Variants in FLT1 observed in about 807,000 individuals in gnomAD.
The protein encoded by FLT1 is vascular endothelial growth factor receptor 1.
FLT1 carries 49 observed loss-of-function variants against 156.3 expected under a neutral mutation model. That is an observed-to-expected ratio of 0.31 (90% CI 0.25 to 0.40). FLT1 has a LOEUF of 0.40. Among genes scored for constraint, FLT1 ranks in the 10% least tolerant of loss-of-function variants. The probability of loss-of-function intolerance (pLI) is 1.00; values close to 1 mark genes in which losing one functional copy is unlikely to be tolerated. For synonymous variants in FLT1, 594 were observed against 583.8 expected (o/e 1.02, Z -0.25); for missense variants, 1,322 against 1,637.2 (o/e 0.81, Z 3.32).
rs770743233 is a variant in FLT1 at position 28,386,228 on chromosome 13, G to A, written c.1970-1197C>T. The A allele has an allele frequency of 1.7e-4, 180 of 1,052,640 alleles. 1 individual carries two copies. The highest frequency in any genetic ancestry group is 4.2e-4 in the Middle Eastern group (1 of 2,364). 65.2% of individuals were successfully genotyped at this position (1,052,640 alleles called of 1,614,324 possible). A position where few individuals can be genotyped will look rare whatever the true frequency, so the allele number is the denominator to read the frequency against. Reference sequence around the variant, plus strand: ...CCATGTCCCTGCAGGGTTCTGCCACGTCCCAAAACCTTTCCCTTTTGAGTC... The same window carrying A: ...CCATGTCCCTGCAGGGTTCTGCCACATCCCAAAACCTTTCCCTTTTGAGTC... On this transcript the variant is annotated intron_variant, in intron 13 of 29. Transcript: ENST00000282397.
At chr13:28,491,175 T>C (rs1426208763) in intron 1 of FLT1, among the ~76,000 whole-genome samples, 1 of 151,540 alleles carries the variant, frequency 6.6e-6, no homozygotes, top group Non-Finnish European at 1.5e-5. Flanking sequence ...TGGTAACACA[T>C]CACCTTCAAC....
At chr13:28,344,157 G>A (rs1050933889) in intron 16 of FLT1, among the ~76,000 whole-genome samples, 12 of 152,060 alleles carry the variant, frequency 7.9e-5, no homozygotes, top group South Asian at 6.2e-4. Context: ...TTTAGAATAC[G>A]GACCAAATTC....
intron 13 of FLT1, chr13:28,389,016 G>T: frequency 1.9e-6 from 2 of 1,064,956 alleles, no homozygotes; most frequent in African/African-American, 1.6e-5. Context: ...GAGGAGGGAG[G>T]GGACGTTGAT....
intron 1 of FLT1, among the ~76,000 whole-genome samples, chr13:28,475,936 T>A (rs1880519090): frequency 1.3e-5 from 2 of 152,154 alleles, no homozygotes; most frequent in Admixed American, 1.3e-4. Flanking sequence ...TCATATTCCA[T>A]CCACCAACAG....
At chr13:28,404,831 C>T (rs1471364570) in intron 11 of FLT1, among the ~76,000 whole-genome samples, 1 of 151,832 alleles carries the variant, frequency 6.6e-6, no homozygotes, top group Non-Finnish European at 1.5e-5. Context: ...ACCAACCTGG[C>T]CAATATGGTG....
chr13:28,450,727 T>C (rs2137585275), intron 3 of FLT1, among the ~76,000 whole-genome samples: 1 of 152,348 alleles, frequency 6.6e-6, no homozygotes, highest in Non-Finnish European at 1.5e-5. Context: ...AAAGGACTTT[T>C]AAGATGCCCT....
chr13:28,326,992 T>C (rs1871711432), intron 20 of FLT1, among the ~76,000 whole-genome samples: 1 of 152,220 alleles, frequency 6.6e-6, no homozygotes, highest in African/African-American at 2.4e-5. Context: ...AAGATAATGA[T>C]TTTTGGCCCT....
chr13:28,486,907 G>A (rs1375271208), intron 1 of FLT1, among the ~76,000 whole-genome samples: 3 of 152,210 alleles, frequency 2.0e-5, no homozygotes, highest in Admixed American at 6.5e-5. Context: ...CCTGGGCAGA[G>A]GTTCTCAAAG....
chr13:28,489,306 A>G (rs2137671178), intron 1 of FLT1, among the ~76,000 whole-genome samples: 2 of 152,334 alleles, frequency 1.3e-5, no homozygotes, highest in East Asian at 1.9e-4. Flanking sequence ...CTGCGAAATG[A>G]TAGTGTGGCC....
At chr13:28,358,867 G>C (rs1410458655) in intron 14 of FLT1, among the ~76,000 whole-genome samples, 1 of 152,180 alleles carries the variant, frequency 6.6e-6, no homozygotes, top group African/African-American at 2.4e-5. Flanking sequence ...GTAAGGAAGG[G>C]TGTACTTGGG....
At chr13:28,430,914 C>T (rs1877640101) in intron 7 of FLT1, among the ~76,000 whole-genome samples, 1 of 152,122 alleles carries the variant, frequency 6.6e-6, no homozygotes, top group East Asian at 1.9e-4. Flanking sequence ...CCATAATAAG[C>T]ATCTAAAGAA....
chr13:28,402,211 C>T (rs956529276), intron 11 of FLT1, among the ~76,000 whole-genome samples: 3 of 152,218 alleles, frequency 2.0e-5, no homozygotes, highest in Non-Finnish European at 4.4e-5. Flanking sequence ...CGCTGCCCCA[C>T]TGATCTGTGG....
In FLT1 at chr13:28,301,142, T is replaced by C. The variant is rs967025331; in HGVS notation, c.*2025A>G. 1.6e-4 allele frequency: 36 copies of C among 232,194 alleles called. No homozygotes were observed. The highest frequency in any genetic ancestry group is 7.1e-4 in the African/African-American group (32 of 45,112). The allele number at this position is 232,194 out of a possible 1,614,324, so 14.4% of individuals were successfully genotyped here. ...TGAATAGCTAAGGTTTTATTTGTTATCACTATTTGCTGGGCTATTATCTGA... is the reference window on the plus strand; with the variant it reads ...TGAATAGCTAAGGTTTTATTTGTTACCACTATTTGCTGGGCTATTATCTGA... On this transcript the variant is annotated 3_prime_UTR_variant, in exon 30 of 30. Transcript: ENST00000282397.
In FLT1 at chr13:28,345,060, C is replaced by T. The variant is rs574221587; in HGVS notation, c.2355+385G>A. Among the ~76,000 whole-genome samples the T allele has an allele frequency of 2.6e-5, 4 of 152,014 alleles. No individual in the cohort carries two copies. In the East Asian group the frequency reaches 5.8e-4, roughly 22 times the overall value. ...TCAAGCGATCCTCCTGCCTTGGTCTCCCAAAGTGCTGGGATTACAGTCATG... is the reference window on the plus strand; with the variant it reads ...TCAAGCGATCCTCCTGCCTTGGTCTTCCAAAGTGCTGGGATTACAGTCATG... On this transcript the variant is annotated intron_variant, in intron 16 of 29. Coordinates refer to ENST00000282397, the MANE Select transcript of FLT1 (RefSeq NM_002019.4).
At chr13:28,461,076 G>T (rs1879549115) in intron 3 of FLT1, among the ~76,000 whole-genome samples, 1 of 151,410 alleles carries the variant, frequency 6.6e-6, no homozygotes, top group South Asian at 2.1e-4. Context: ...GAGCTCAAGT[G>T]ATCCTCTTGT....
At chr13:28,453,778 C>T (rs978430112) in intron 3 of FLT1, among the ~76,000 whole-genome samples, 8 of 152,134 alleles carry the variant, frequency 5.3e-5, no homozygotes, top group African/African-American at 1.9e-4. Flanking sequence ...ACTTAAAAAT[C>T]CCATGTTTCT....
intron 11 of FLT1, among the ~76,000 whole-genome samples, chr13:28,404,713 T>C (rs1218330531): frequency 6.6e-6 from 1 of 152,138 alleles, no homozygotes; most frequent in Non-Finnish European, 1.5e-5. Context: ...ATACTTGATA[T>C]GTTTTTTCTT....
intron 14 of FLT1, among the ~76,000 whole-genome samples, chr13:28,374,218 A>G (rs561145728): frequency 1.3e-5 from 2 of 152,056 alleles, no homozygotes; most frequent in Non-Finnish European, 2.9e-5. Flanking sequence ...TAAAAAAATG[A>G]GGCCTGGGCA....
At chr13:28,374,348 G>C (rs1246250737) in intron 14 of FLT1, among the ~76,000 whole-genome samples, 1 of 151,964 alleles carries the variant, frequency 6.6e-6, no homozygotes, top group African/African-American at 2.4e-5. Context: ...CCGGGAGGTT[G>C]AGGCTGCAGT....
Sources: gnomAD v4.1 joint callset for allele counts (sites outside exome capture counted in the v4.1 genomes callset) on GRCh38, gnomAD v4.1.1 for gene constraint, MANE v1.5 for transcripts, NCBI Gene and HGNC (gene_info 2026-07-23, HGNC 2026-07-21) for gene names.